The following BTBD1 variants were observed in gnomAD, a reference collection of about 807,000 sequenced individuals.
The protein encoded by BTBD1 is BTB domain containing 1.
In BTBD1, 34 loss-of-function variants were observed where a neutral mutation model predicts 48.0. The observed-to-expected ratio is 0.71, with a 90% CI of 0.54 to 0.94. The LOEUF (loss-of-function observed/expected upper bound fraction) is 0.94. Among genes scored for constraint, BTBD1 ranks in the 40% least tolerant of loss-of-function variants. BTBD1 has a pLI of 0.00. For synonymous variants in BTBD1, 261 were observed against 242.1 expected, an observed-to-expected ratio of 1.08 and a Z score of -0.72; for missense variants, 543 against 625.6, an observed-to-expected ratio of 0.87 and a Z score of 1.41.
chr15:83,049,616 G>A (rs1213567806), intron 3 of BTBD1, among the ~76,000 whole-genome samples: 1 of 151,742 alleles, frequency 6.6e-6, no homozygotes, highest in Non-Finnish European at 1.5e-5. Context: ...TTTAAGTTCA[G>A]GGGTACATGT....
intron 3 of BTBD1, among the ~76,000 whole-genome samples, chr15:83,042,376 A>ATATATATATATATATTT (rs1491038548): frequency 8.2e-6 from 1 of 121,778 alleles, no homozygotes; most frequent in Non-Finnish European, 1.7e-5. Flanking sequence ...ATATATATAT[A>ATATATATATATATATTT]TGTATGTATA....
Position 83,066,787 on chromosome 15 carries a change from G to C in BTBD1, c.365C>G (p.Pro122Arg). ...MATTSAEIELPDVEPAAFLAL... is the reference protein window; with the variant it reads ...MATTSAEIELRDVEPAAFLAL... The stretch of plus-strand genomic sequence containing the variant: ...CAGGAAGGCTGCGGGCTCCACGTCC[G>C]GCAGCTCGATCTCGGCCGACGTGGT... The change falls in exon 1 of 8, where the codon CCG becomes CGG. Residue 122 changes from proline to arginine, a missense_variant. Physicochemically the swap from Pro to Arg is moderately radical, Grantham distance 103. Around this residue, in one of 3 missense-constraint regions of BTBD1, gnomAD observed 70 missense variants for 111.7 expected, o/e 0.63. Coordinates refer to ENST00000261721, the MANE Select transcript of BTBD1 (RefSeq NM_025238.4). 1.4e-6 allele frequency: 2 copies of C among 1,433,620 alleles called. No individual in the cohort carries two copies. Among genetic ancestry groups the C allele is most frequent in the Non-Finnish European group, 1.8e-6 (2 of 1,097,762 alleles). 88.8% of individuals were successfully genotyped at this position (1,433,620 alleles called of 1,614,324 possible).
At chr15:83,060,312 T>C (rs1322331918) in intron 1 of BTBD1, among the ~76,000 whole-genome samples, 1 of 152,006 alleles carries the variant, frequency 6.6e-6, no homozygotes, top group African/African-American at 2.4e-5. Context: ...GTTTTTAAAA[T>C]GTAAAGATTA....
chr15:83,051,539 G>T (rs997506482), intron 2 of BTBD1, among the ~76,000 whole-genome samples: 1 of 149,610 alleles, frequency 6.7e-6, no homozygotes, highest in Non-Finnish European at 1.5e-5. Flanking sequence ...TAGAATACTC[G>T]AATGTTTGAA....
Position 83,050,192 on chromosome 15 carries a change from G to A in BTBD1, c.559-14C>T. ...AAATAATCGAGCCTAAACATATAAAGAGATAGTTATTTAACTTTCATAGTT... is the reference window on the plus strand; with the variant it reads ...AAATAATCGAGCCTAAACATATAAAAAGATAGTTATTTAACTTTCATAGTT... On this transcript the variant is annotated splice_polypyrimidine_tract_variant and intron_variant, in intron 2 of 7. Coordinates refer to ENST00000261721, the MANE Select transcript of BTBD1 (RefSeq NM_025238.4). 1 of 1,542,344 alleles carries A rather than the reference G, an allele frequency of 6.5e-7. No homozygotes were observed.
At chr15:83,021,092 C>A (rs1043710244) in intron 5 of BTBD1, among the ~76,000 whole-genome samples, 8 of 152,164 alleles carry the variant, frequency 5.3e-5, no homozygotes, top group African/African-American at 1.2e-4. Context: ...AGGACTGAAG[C>A]CCAGCATCTC....
intron 3 of BTBD1, among the ~76,000 whole-genome samples, chr15:83,042,348 T>TTTTATATATATATATA (rs773923340): frequency 1.8e-5 from 2 of 109,896 alleles, no homozygotes; most frequent in African/African-American, 3.7e-5. Context: ...TTAGGCAATT[T>TTTTATATATATATATA]TATATATATA....
intron 2 of BTBD1, among the ~76,000 whole-genome samples, chr15:83,051,875 T>TACACACACACAC (rs1187803458): frequency 0.035 from 1,534 of 43,692 alleles, 30 homozygotes; most frequent in African/African-American, 0.067. Flanking sequence ...TTTCCATATA[T>TACACACACACAC]ATACACACAC....
intron 3 of BTBD1, chr15:83,044,814 A>T (rs1173662361): frequency 8.5e-7 from 1 of 1,172,368 alleles, no homozygotes; most frequent in East Asian, 2.3e-5. Flanking sequence ...TAATAGAATG[A>T]TCAAGCTCAG....
At position 83,018,749 on chromosome 15, in the gene BTBD1, C is replaced by G. The variant is rs149040830; in HGVS notation, c.1248G>C (p.Glu416Asp). Residue 416 changes from glutamate (E) to aspartate (D), a missense_variant, in exon 7 of 8, where the codon GAG becomes GAC. By Grantham distance (45) the Glu-to-Asp change is conservative. Coordinates refer to ENST00000261721, the MANE Select transcript of BTBD1 (RefSeq NM_025238.4). ...TFRVMFKEPI[E>D]ILPNVCYTAC... is the part of the protein sequence containing the mutation. ...CTGTGTAGCACACATTGGGCAGGAT[C>G]TCTATGGGTTCCTTGAACATGACCC... The G allele has an allele frequency of 3.4e-4, 551 of 1,614,002 alleles. 6 individuals are homozygous for G. Among genetic ancestry groups the G allele is most frequent in the Non-Finnish European group, 6.4e-5 (76 of 1,180,016 alleles).
chr15:83,051,877 T>TATATACACACACACACAC (rs1555441191), intron 2 of BTBD1, among the ~76,000 whole-genome samples: 7 of 138,902 alleles, frequency 5.0e-5, no homozygotes, highest in Admixed American at 7.4e-5. Flanking sequence ...TCCATATATA[T>TATATACACACACACACAC]ACACACACAC....
chr15:83,066,772 G>A lies in BTBD1; in HGVS notation c.380C>T (p.Ala127Val). 1 of 1,423,036 alleles carries A rather than the reference G, an allele frequency of 7.0e-7. No individual in the cohort carries two copies. The allele number at this position is 1,423,036 out of a possible 1,614,324, so 88.2% of individuals were successfully genotyped here. A position where few individuals can be genotyped will look rare whatever the true frequency, so the allele number is the denominator to read the frequency against. ...TCACCTCAGCAGCGCCAGGAAGGCT[G>A]CGGGCTCCACGTCCGGCAGCTCGAT... ...AEIELPDVEP[A>V]AFLALLRFLY... The change falls in exon 1 of 8, where the codon GCA becomes GTA. Residue 127 changes from alanine (A) to valine (V), a missense_variant. Ala to Val is a moderately conservative substitution (Grantham distance 64, BLOSUM62 0). Around this residue, in one of 3 missense-constraint regions of BTBD1, gnomAD observed 70 missense variants for 111.7 expected, o/e 0.63. Transcript: ENST00000261721.
chr15:83,018,795 T>C lies in BTBD1; in HGVS notation c.1202A>G (p.Asp401Gly). 5.6e-6 allele frequency: 9 copies of C among 1,613,944 alleles called. No individual in the cohort carries two copies. The highest frequency in any genetic ancestry group is 6.8e-6 in the Non-Finnish European group (8 of 1,179,798). The part of the protein sequence containing the change: ...LGQNDTGFSC[D>G]GTANTFRVMF... The stretch of plus-strand genomic sequence containing the variant: ...GACCCTGAATGTGTTAGCTGTCCCA[T>C]CACAACTAAAGCCGGTATCATTCTG... Residue 401 changes from aspartate to glycine, a missense_variant, in exon 7 of 8, where the codon GAT becomes GGT. Physicochemically the swap from Asp to Gly is moderately conservative, Grantham distance 94. Transcript: ENST00000261721.
rs201912032 is a variant in BTBD1 at position 83,041,696 on chromosome 15, T to C, written c.862+32A>G. The C allele has an allele frequency of 1.0e-5, 16 of 1,602,466 alleles. 1 individual carries two copies. The highest frequency in any genetic ancestry group is 2.2e-5 in the South Asian group (2 of 90,822). ...GCCCTGACAGACTATTAAAACAGTTTCAAATAGATTTTGGTGAATTTATAC... is the reference window on the plus strand; with the variant it reads ...GCCCTGACAGACTATTAAAACAGTTCCAAATAGATTTTGGTGAATTTATAC... On this transcript the variant is annotated intron_variant, in intron 4 of 7. Coordinates refer to ENST00000261721, the MANE Select transcript of BTBD1 (RefSeq NM_025238.4).
intron 1 of BTBD1, among the ~76,000 whole-genome samples, chr15:83,062,679 G>A (rs1389250391): frequency 6.6e-6 from 1 of 152,076 alleles, no homozygotes; most frequent in Non-Finnish European, 1.5e-5. Flanking sequence ...ATTACTTCAC[G>A]ATGGTCCAGT....
At chr15:83,057,188 G>A (rs1315855197) in intron 1 of BTBD1, among the ~76,000 whole-genome samples, 1 of 152,172 alleles carries the variant, frequency 6.6e-6, no homozygotes, top group Non-Finnish European at 1.5e-5. Context: ...AGAAAACCAA[G>A]GCTGAGGAAA....
At chr15:83,051,636 T>C (rs983687004) in intron 2 of BTBD1, among the ~76,000 whole-genome samples, 5 of 151,564 alleles carry the variant, frequency 3.3e-5, no homozygotes, top group African/African-American at 1.2e-4. Flanking sequence ...AAATAAAAAA[T>C]TTGTATTAAT....
At chr15:83,021,068 A>T (rs541770686) in intron 5 of BTBD1, among the ~76,000 whole-genome samples, 1 of 152,344 alleles carries the variant, frequency 6.6e-6, no homozygotes, top group South Asian at 2.1e-4. Flanking sequence ...ATGAACGCAG[A>T]CATCTCAGCC....
rs180731334 is a variant in BTBD1 at position 83,034,695 on chromosome 15, T to C, written c.863-4367A>G. 5.3e-5 allele frequency among the ~76,000 whole-genome samples: 8 copies of C among 151,390 alleles called. 1 individual carries two copies. The highest frequency in any genetic ancestry group is 1.5e-4 in the African/African-American group (6 of 41,258). On this transcript the variant is annotated intron_variant, in intron 4 of 7. Transcript: ENST00000261721. ...TGTAAAGATAAAGAAGCAAATTCAATATAAAAAAAAATCCTAAATTTGAAG... is the reference window on the plus strand; with the variant it reads ...TGTAAAGATAAAGAAGCAAATTCAACATAAAAAAAAATCCTAAATTTGAAG...
Sources: gnomAD v4.1 joint callset for allele counts (sites outside exome capture counted in the v4.1 genomes callset) on GRCh38, gnomAD v4.1.1 for gene constraint, gnomAD v4.1.1 regional missense constraint, MANE v1.5 for transcripts, NCBI Gene and HGNC (gene_info 2026-07-23, HGNC 2026-07-21) for gene names.